The following ITGA7 variants were observed in gnomAD, a reference collection of about 807,000 sequenced individuals.
ITGA7 encodes integrin subunit alpha 7, also known as integrin alpha-7.
In ITGA7, 84 loss-of-function variants were observed where a neutral mutation model predicts 131.6. The ratio of observed to expected loss-of-function variants is 0.64; its 90% confidence interval spans 0.54 to 0.77. The LOEUF (loss-of-function observed/expected upper bound fraction) is 0.77, where lower values mean the gene tolerates loss of function less well. ITGA7 is among the 30% of genes least tolerant of loss of function. The pLI, the probability that ITGA7 is intolerant of heterozygous loss-of-function variation, is 0.00. For synonymous variants in ITGA7, 548 were observed against 600.7 expected, an observed-to-expected ratio of 0.91 and a Z score of 1.28; for missense variants, 1,399 against 1,482.9, an observed-to-expected ratio of 0.94 and a Z score of 0.93.
At chr12:55,702,744 G>T in intron 3 of ITGA7, 128 bp downstream of exon 3, 1 of 783,428 alleles carries the variant, frequency 1.3e-6, no homozygotes, top group Non-Finnish European at 2.2e-6. Context: ...ATATCTCCCT[G>T]ATGTACTTGG....
At position 55,685,225 on chromosome 12, in the gene ITGA7, T is replaced by A; in HGVS notation, c.3247A>T (p.Ile1083Phe). 2 of 1,614,192 alleles carry A rather than the reference T, an allele frequency of 1.2e-6. No individual in the cohort carries two copies. Among genetic ancestry groups the A allele is most frequent in the Non-Finnish European group, 1.7e-6 (2 of 1,180,032 alleles). Reference protein sequence around the residue: ...ATVPQYHAVKIPREDRQQFKE... With the variant: ...ATVPQYHAVKFPREDRQQFKE... ...AACTGCTGTCGGTCTTCCCGAGGAATCTTCACCGCATGGTACTGGGGCACG... is the reference window on the plus strand; with the variant it reads ...AACTGCTGTCGGTCTTCCCGAGGAAACTTCACCGCATGGTACTGGGGCACG... Residue 1083 changes from isoleucine to phenylalanine, a missense_variant, in exon 25 of 25, where the codon ATT becomes TTT. Physicochemically the swap from Ile to Phe is conservative, Grantham distance 21. Transcript: ENST00000257879.
At chr12:55,697,594 G>A (rs1265395360) in intron 9 of ITGA7, 48 bp from the exon 10 acceptor site, 1 of 1,609,118 alleles carries the variant, frequency 6.2e-7, no homozygotes, top group Non-Finnish European at 8.5e-7. Flanking sequence ...ACATGAGGCT[G>A]GGAAACACTC....
At chr12:55,716,386 T>TGGGCAATACTCCGGTCCCCTC (rs1335716301), upstream of ITGA7, 23 of 1,419,286 alleles carry the variant, frequency 1.6e-5, no homozygotes, top group East Asian at 3.5e-4. Context: ...TCCGGTCCCT[T>TGGGCAATACTCCGGTCCCCTC]GGGCAATACT....
At chr12:55,712,253 T>A, upstream of ITGA7, 2 of 1,551,380 alleles carry the variant, frequency 1.3e-6, no homozygotes, top group Non-Finnish European at 1.7e-6. Context: ...GGGAGGTCAC[T>A]TACCAAAGGG....
rs374664887 is a variant in ITGA7 at position 55,701,867 on chromosome 12, T to A, written c.415-713A>T. On this transcript the variant is annotated intron_variant, in intron 3 of 24. Coordinates refer to ENST00000257879, the MANE Select transcript of ITGA7 (RefSeq NM_002206.3). ...AGAAGTCTTCTCTCTACTCCTCCTTTGGACTTTTATAGACTGGAGACTAGA... is the reference window on the plus strand; with the variant it reads ...AGAAGTCTTCTCTCTACTCCTCCTTAGGACTTTTATAGACTGGAGACTAGA... 7.5e-4 allele frequency among the ~76,000 whole-genome samples: 114 copies of A among 152,338 alleles called. 3 individuals carry two copies. In the South Asian group the frequency reaches 0.023, roughly 30 times the overall value.
Position 55,696,987 on chromosome 12 carries a change from A to T in ITGA7, c.1649T>A (p.Leu550Gln), listed in dbSNP as rs1382437571. ...CGAGGCCTGGTGCTTGGGTTCTTCCAGGTTACGGCTCAGGAACGTCACACG... is the reference window on the plus strand; with the variant it reads ...CGAGGCCTGGTGCTTGGGTTCTTCCTGGTTACGGCTCAGGAACGTCACACG... ...VPRVTFLSRN[L>Q]EEPKHQASGT... Residue 550 changes from leucine (L) to glutamine (Q), a missense_variant, in exon 12 of 25, where the codon CTG becomes CAG. Coordinates refer to ENST00000257879, the MANE Select transcript of ITGA7 (RefSeq NM_002206.3). The T allele has an allele frequency of 6.2e-7, 1 of 1,614,118 alleles. No individual in the cohort carries two copies. Among genetic ancestry groups the T allele is most frequent in the South Asian group, 1.1e-5 (1 of 91,082 alleles).
upstream of ITGA7, chr12:55,715,884 T>C: frequency 1.2e-6 from 1 of 826,728 alleles, no homozygotes; most frequent in East Asian, 3.1e-5. Flanking sequence ...GGCTTGGCAA[T>C]ATAAGTATTA....
At chr12:55,700,869 C>G (rs1592465702) in intron 4 of ITGA7, 30 bp downstream of exon 4, 1 of 1,614,122 alleles carries the variant, frequency 6.2e-7, no homozygotes, top group Non-Finnish European at 8.5e-7. Context: ...GGTTTTGGTC[C>G]CCTTCTCCCC....
chr12:55,707,080 A>G (rs1465681110), intron 1 of ITGA7, among the ~76,000 whole-genome samples: 1 of 152,116 alleles, frequency 6.6e-6, no homozygotes, highest in African/African-American at 2.4e-5. Flanking sequence ...CTCAACTTCT[A>G]TGTCCTTTCC....
chr12:55,685,025 G>C lies in ITGA7; in HGVS notation c.*33C>G. 2 of 1,517,626 alleles carry C rather than the reference G, an allele frequency of 1.3e-6. No individual in the cohort carries two copies. Among genetic ancestry groups the C allele is most frequent in the South Asian group, 2.5e-5 (2 of 80,498 alleles). The allele number at this position is 1,517,626 out of a possible 1,614,324, so 94.0% of individuals were successfully genotyped here. A position where few individuals can be genotyped will look rare whatever the true frequency, so the allele number is the denominator to read the frequency against. On this transcript the variant is annotated 3_prime_UTR_variant, in exon 25 of 25. Coordinates refer to ENST00000257879, the MANE Select transcript of ITGA7 (RefSeq NM_002206.3). ...GAGCCATCTCTGGGGAAGGGATGGA[G>C]GGCAGCCACAGGCCAGGCTGGGACA...
upstream of ITGA7, chr12:55,712,287 C>T (rs145243860): frequency 6.5e-7 from 1 of 1,532,806 alleles, no homozygotes; most frequent in Non-Finnish European, 8.8e-7. Context: ...GTCTCAAGGG[C>T]CCCCTTTCTT....
At chr12:55,700,117 A>G in intron 4 of ITGA7, 128 bp from the exon 5 acceptor site, 1 of 1,427,358 alleles carries the variant, frequency 7.0e-7, no homozygotes, top group Non-Finnish European at 9.7e-7. Context: ...AAAAGAGACC[A>G]GAGAGATCAC....
At chr12:55,692,578 C>A (rs1383806560) in intron 21 of ITGA7, among the ~76,000 whole-genome samples, 2 of 152,226 alleles carry the variant, frequency 1.3e-5, no homozygotes, top group Admixed American at 1.3e-4. Context: ...AAATGTAATG[C>A]TTTATATAAA....
chr12:55,712,520 C>T, upstream of ITGA7: 1 of 540,712 alleles, frequency 1.8e-6, no homozygotes. Context: ...AAAGAGACCT[C>T]AAAAGAAGAG....
upstream of ITGA7, chr12:55,712,188 T>G: frequency 6.4e-7 from 1 of 1,551,464 alleles, no homozygotes; most frequent in Non-Finnish European, 8.7e-7. Context: ...GGAAACAGCT[T>G]GACCGCTCCG....
intron 4 of ITGA7, chr12:55,700,602 G>A (rs976374661): frequency 7.4e-5 from 48 of 645,656 alleles, no homozygotes; most frequent in Non-Finnish European, 1.3e-4. Context: ...GTGCGGAGAC[G>A]GGAATGGCAG....
chr12:55,704,020 C>T (rs1391026204), intron 1 of ITGA7, among the ~76,000 whole-genome samples: 3 of 152,202 alleles, frequency 2.0e-5, no homozygotes, highest in Non-Finnish European at 4.4e-5. Context: ...CCCAGGGGAG[C>T]ACAGTGCTGG....
intron 24 of ITGA7, among the ~76,000 whole-genome samples, chr12:55,687,487 C>CTTTTT (rs34640494): frequency 5.0e-5 from 3 of 59,632 alleles, no homozygotes; most frequent in Non-Finnish European, 8.4e-5. Context: ...CCATGCCCGG[C>CTTTTT]TTTTTTTTTT....
upstream of ITGA7, among the ~76,000 whole-genome samples, chr12:55,713,084 A>T (rs889498309): frequency 1.3e-5 from 2 of 149,110 alleles, no homozygotes; most frequent in African/African-American, 2.5e-5. Context: ...CCATGTCACC[A>T]TTATCTTGAC....
Sources: allele counts gnomAD v4.1 joint callset (sites outside exome capture counted in the v4.1 genomes callset), GRCh38; gene constraint gnomAD v4.1.1; transcripts MANE v1.5; gene names NCBI Gene and HGNC (gene_info 2026-07-23, HGNC 2026-07-21).